Variants in TRPC6 observed in about 807,000 individuals in gnomAD.
TRPC6 encodes the protein short transient receptor potential channel 6.
In TRPC6, 55 loss-of-function variants were observed where a neutral mutation model predicts 90.7. The ratio of observed to expected loss-of-function variants is 0.61; its 90% CI spans 0.49 to 0.76. The LOEUF (loss-of-function observed/expected upper bound fraction) is 0.76, where lower values mean the gene tolerates loss of function less well. TRPC6 is among the 30% of genes least tolerant of loss of function. The probability of loss-of-function intolerance (pLI) is 0.00; values close to 1 mark genes in which losing one functional copy is unlikely to be tolerated. For missense variants in TRPC6, 989 were observed against 1,122.7 expected (o/e 0.88, Z 1.70); for synonymous variants, 393 against 393.0 (o/e 1.00, Z 0.00).
chr11:101,547,240 T>A (rs2136831753), intron 1 of TRPC6, among the ~76,000 whole-genome samples: 1 of 150,528 alleles, frequency 6.6e-6, no homozygotes, highest in South Asian at 2.1e-4. Context: ...AATGTCATTA[T>A]TATTACAAAG....
chr11:101,479,790 A>C (rs1220148372), intron 5 of TRPC6, among the ~76,000 whole-genome samples: 2 of 152,222 alleles, frequency 1.3e-5, no homozygotes, highest in Non-Finnish European at 2.9e-5. Context: ...GACAAAAGTT[A>C]CAAGGAAAAT....
chr11:101,530,269 C>T (rs1279256945), intron 1 of TRPC6, among the ~76,000 whole-genome samples: 2 of 152,178 alleles, frequency 1.3e-5, no homozygotes, highest in African/African-American at 4.8e-5. Context: ...CACCCAGGAA[C>T]CTGCCAGGAG....
chr11:101,496,227 A>C (rs1158856401), intron 2 of TRPC6, among the ~76,000 whole-genome samples: 1 of 152,168 alleles, frequency 6.6e-6, no homozygotes, highest in African/African-American at 2.4e-5. Flanking sequence ...CCCTCCTCCA[A>C]TTCAACAAGA....
chr11:101,526,802 T>C (rs1860790159), intron 1 of TRPC6, among the ~76,000 whole-genome samples: 1 of 132,454 alleles, frequency 7.5e-6, no homozygotes, highest in Non-Finnish European at 1.5e-5. Context: ...AGGCGGAGCT[T>C]GCAGTGAGCT....
intron 5 of TRPC6, among the ~76,000 whole-genome samples, chr11:101,478,137 G>C (rs1859456772): frequency 6.6e-6 from 1 of 152,166 alleles, no homozygotes; most frequent in Admixed American, 6.5e-5. Context: ...AATAGCTGCA[G>C]AGCCCTGTGG....
chr11:101,553,904 T>C (rs1488768057), intron 1 of TRPC6, among the ~76,000 whole-genome samples: 1 of 151,986 alleles, frequency 6.6e-6, no homozygotes, highest in Non-Finnish European at 1.5e-5. Context: ...AAGAAAAAAT[T>C]AAGTCCCTGC....
chr11:101,523,708 T>A (rs1273558417), intron 1 of TRPC6, among the ~76,000 whole-genome samples: 2 of 152,206 alleles, frequency 1.3e-5, no homozygotes, highest in East Asian at 3.8e-4. Flanking sequence ...TGAAAAAGAC[T>A]AAACCATTTC....
At chr11:101,576,857 G>A (rs899384764) in intron 1 of TRPC6, among the ~76,000 whole-genome samples, 3 of 152,304 alleles carry the variant, frequency 2.0e-5, no homozygotes, top group African/African-American at 7.2e-5. Flanking sequence ...CAGAATAAAT[G>A]TGGACTTTTA....
At chr11:101,553,965 T>C (rs2136847750) in intron 1 of TRPC6, among the ~76,000 whole-genome samples, 1 of 152,242 alleles carries the variant, frequency 6.6e-6, no homozygotes, top group South Asian at 2.1e-4. Context: ...GGAAAATGTT[T>C]ATGTGAACAC....
At chr11:101,548,280 A>ATATATATATATATATATAAAATT (rs71303295) in intron 1 of TRPC6, among the ~76,000 whole-genome samples, 1 of 135,514 alleles carries the variant, frequency 7.4e-6, no homozygotes, top group Non-Finnish European at 1.6e-5. Context: ...TATAATTTAT[A>ATATATATATATATATATAAAATT]TATATAATTA....
chr11:101,529,113 C>T (rs922079192), intron 1 of TRPC6, among the ~76,000 whole-genome samples: 1 of 152,148 alleles, frequency 6.6e-6, no homozygotes, highest in Non-Finnish European at 1.5e-5. Flanking sequence ...TCTGGATCCA[C>T]AAGACTTCAT....
In TRPC6 at chr11:101,583,908, C is replaced by G. The variant is rs543816716; in HGVS notation, c.-405G>C. ...GCCCTCAGCTCCCGCCTTCATCCCC[C>G]GCACTCTCCGTCAAGATCCCCACCT... On this transcript the variant is annotated 5_prime_UTR_variant, in exon 1 of 13. Coordinates refer to ENST00000344327, the MANE Select transcript of TRPC6 (RefSeq NM_004621.6). 1 of 171,606 alleles carries G rather than the reference C, an allele frequency of 5.8e-6. No individual in the cohort carries two copies. Among genetic ancestry groups the G allele is most frequent in the Non-Finnish European group, 1.2e-5 (1 of 81,504 alleles). 10.6% of individuals were successfully genotyped at this position (171,606 alleles called of 1,614,324 possible).
chr11:101,566,514 T>TA (rs1223166354), intron 1 of TRPC6, among the ~76,000 whole-genome samples: 4 of 152,166 alleles, frequency 2.6e-5, no homozygotes, highest in African/African-American at 9.7e-5. Flanking sequence ...GTAGGATTGT[T>TA]AAAAAATATT....
At chr11:101,569,424 C>T (rs1861907310) in intron 1 of TRPC6, among the ~76,000 whole-genome samples, 1 of 152,118 alleles carries the variant, frequency 6.6e-6, no homozygotes, top group Non-Finnish European at 1.5e-5. Flanking sequence ...TAGTGGGAGA[C>T]TTTAACACCC....
chr11:101,466,557 C>T (rs1379752953), intron 10 of TRPC6, among the ~76,000 whole-genome samples: 1 of 152,216 alleles, frequency 6.6e-6, no homozygotes, highest in Non-Finnish European at 1.5e-5. Context: ...CTGCCCCCAC[C>T]AAGCTCAAGC....
At chr11:101,578,888 T>G (rs1862129186) in intron 1 of TRPC6, among the ~76,000 whole-genome samples, 1 of 152,154 alleles carries the variant, frequency 6.6e-6, no homozygotes, top group South Asian at 2.1e-4. Context: ...TAAAACTCTC[T>G]CATTCAAATC....
intron 1 of TRPC6, among the ~76,000 whole-genome samples, chr11:101,541,114 TAAAGA>T (rs1486886822): frequency 1.3e-5 from 2 of 152,200 alleles, no homozygotes; most frequent in Non-Finnish European, 2.9e-5. Context: ...TGTTCATAAG[TAAAGA>T]AATTTGGTTG....
At chr11:101,460,839 C>T (rs961932451) in intron 10 of TRPC6, among the ~76,000 whole-genome samples, 2 of 151,978 alleles carry the variant, frequency 1.3e-5, no homozygotes, top group Non-Finnish European at 2.9e-5. Context: ...TATGTCAACC[C>T]CAAGGGTTGC....
intron 1 of TRPC6, among the ~76,000 whole-genome samples, chr11:101,566,496 T>C (rs969895066): frequency 6.6e-6 from 1 of 152,194 alleles, no homozygotes; most frequent in Non-Finnish European, 1.5e-5. Flanking sequence ...TATTTACATA[T>C]CTTGTTTGTA....
Sources: allele counts gnomAD v4.1 joint callset (sites outside exome capture counted in the v4.1 genomes callset), GRCh38; gene constraint gnomAD v4.1.1; transcripts MANE v1.5; gene names NCBI Gene and HGNC (gene_info 2026-07-23, HGNC 2026-07-21).